The following CCDC171 variants were observed in gnomAD, a reference collection of about 807,000 sequenced individuals.
The protein encoded by CCDC171 is coiled-coil domain-containing protein 171.
A neutral mutation model predicts 168.2 loss-of-function variants in CCDC171; 177 were observed. The observed-to-expected ratio is 1.05, with a 90% CI of 0.93 to 1.19. The LOEUF is 1.19. CCDC171 is among the 50% of genes most tolerant of loss of function. The pLI is 0.00. For missense variants in CCDC171, 1,991 were observed against 1,539.0 expected (o/e 1.29, Z -4.91); for synonymous variants, 687 against 540.8 (o/e 1.27, Z -3.75).
chr9:15,618,582 G>C (rs959899374), intron 6 of CCDC171, among the ~76,000 whole-genome samples: 2 of 152,176 alleles, frequency 1.3e-5, no homozygotes, highest in Non-Finnish European at 2.9e-5. Flanking sequence ...AAAAACTCCT[G>C]CAGCTTGGTG....
At chr9:15,569,312 C>T (rs557157906) in intron 2 of CCDC171, among the ~76,000 whole-genome samples, 5 of 152,330 alleles carry the variant, frequency 3.3e-5, no homozygotes, top group Non-Finnish European at 5.9e-5. Context: ...GCCTCTCCCT[C>T]ACTAGCCCTG....
intron 7 of CCDC171, among the ~76,000 whole-genome samples, chr9:15,654,465 G>A (rs1453866480): frequency 6.6e-6 from 1 of 152,122 alleles, no homozygotes; most frequent in African/African-American, 2.4e-5. Context: ...AGTCATTATG[G>A]GAATGATTTG....
intron 25 of CCDC171, among the ~76,000 whole-genome samples, chr9:15,929,612 C>T (rs556633055): frequency 1.3e-5 from 2 of 151,912 alleles, no homozygotes; most frequent in South Asian, 4.1e-4. Flanking sequence ...CCACAGATCT[C>T]TTAGACCCAT....
chr9:16,010,705 A>T (rs754623129), intron 3 of CCDC171, among the ~76,000 whole-genome samples: 3 of 151,784 alleles, frequency 2.0e-5, no homozygotes, highest in Non-Finnish European at 4.4e-5. Context: ...CAACTGCAAG[A>T]TAATAGTGTA....
intron 2 of CCDC171, among the ~76,000 whole-genome samples, chr9:15,567,957 T>C (rs1300460337): frequency 1.3e-5 from 2 of 148,702 alleles, no homozygotes; most frequent in African/African-American, 5.0e-5. Flanking sequence ...TGGCCTTGCA[T>C]TTCTTTTGTT....
chr9:15,570,218 G>T (rs868546915), intron 2 of CCDC171, among the ~76,000 whole-genome samples: 2 of 151,956 alleles, frequency 1.3e-5, no homozygotes, highest in Non-Finnish European at 2.9e-5. Context: ...TGATCTGCCC[G>T]CCACAGCCTC....
intron 23 of CCDC171, among the ~76,000 whole-genome samples, chr9:15,858,344 G>T (rs1411946715): frequency 6.6e-6 from 1 of 151,940 alleles, no homozygotes; most frequent in African/African-American, 2.4e-5. Context: ...TTTGAAGTCA[G>T]AAAGTGTGAG....
intron 7 of CCDC171, 50 bp downstream of exon 7, chr9:15,623,463 A>ACGCGCGCGCACG: frequency 1.6e-6 from 1 of 633,912 alleles, no homozygotes; most frequent in Non-Finnish European, 2.6e-6. Flanking sequence ...ACTTTCACAT[A>ACGCGCGCGCACG]TGCGCGCGCG....
chr9:15,809,519 T>C (rs1031042080), intron 21 of CCDC171, among the ~76,000 whole-genome samples: 1 of 152,120 alleles, frequency 6.6e-6, no homozygotes, highest in Non-Finnish European at 1.5e-5. Context: ...TGGAGTTCTT[T>C]TCCTTCTGGT....
At chr9:15,961,861 C>A (rs922173102) in intron 25 of CCDC171, among the ~76,000 whole-genome samples, 27 of 152,066 alleles carry the variant, frequency 1.8e-4, no homozygotes, top group African/African-American at 6.0e-4. Flanking sequence ...AAAACCCCAA[C>A]AATTCCAATA....
intron 24 of CCDC171, among the ~76,000 whole-genome samples, chr9:15,894,616 T>C (rs1300959787): frequency 1.3e-5 from 2 of 152,048 alleles, no homozygotes; most frequent in Non-Finnish European, 2.9e-5. Flanking sequence ...CACTGAACTA[T>C]AGTGACACTG....
intron 8 of CCDC171, among the ~76,000 whole-genome samples, chr9:15,661,718 G>A (rs1001486215): frequency 6.6e-6 from 1 of 152,156 alleles, no homozygotes; most frequent in Admixed American, 6.5e-5. Flanking sequence ...TGAGAAAGCA[G>A]ACTTAAAAGA....
chr9:15,889,045 A>G (rs1589006445), intron 24 of CCDC171: 1 of 126,880 alleles, frequency 7.9e-6, no homozygotes, highest in South Asian at 2.5e-4. Flanking sequence ...TGCAACCTCC[A>G]CCTCCCAGGT....
intron 4 of CCDC171, among the ~76,000 whole-genome samples, chr9:15,579,538 A>G (rs1253349255): frequency 2.0e-5 from 3 of 152,236 alleles, no homozygotes; most frequent in Admixed American, 1.3e-4. Flanking sequence ...TTGGACTTAA[A>G]TAAAGCCTTT....
chr9:15,939,260 AAT>A (rs1827452634), intron 25 of CCDC171, among the ~76,000 whole-genome samples: 1 of 151,692 alleles, frequency 6.6e-6, no homozygotes. Context: ...ATCACTTTTT[AAT>A]ATCTTAGTTC....
chr9:15,890,782 A>G lies in CCDC171; in HGVS notation c.3600+16119A>G, dbSNP rs547512126. On this transcript the variant is annotated intron_variant, in intron 24 of 25. Coordinates refer to ENST00000380701, the MANE Select transcript of CCDC171 (RefSeq NM_173550.4). ...CTGTTTTAAAAACTAAAATGGTAAC[A>G]ATATTTTTTTCAGAGTGATATAGTT... is the stretch of plus-strand genomic sequence containing the variant. Among the ~76,000 whole-genome samples, 31 of 152,298 alleles carry G rather than the reference A, an allele frequency of 2.0e-4. 1 individual carries two copies. The South Asian group carries it at 6.2e-3, about 31-fold the overall frequency.
chr9:15,677,340 C>G (rs940152766), intron 9 of CCDC171, among the ~76,000 whole-genome samples: 5 of 152,060 alleles, frequency 3.3e-5, no homozygotes, highest in Admixed American at 6.6e-5. Flanking sequence ...TATTCCTAAT[C>G]TAAAGGAGAA....
At chr9:15,610,234 C>T (rs1445277407) in intron 6 of CCDC171, among the ~76,000 whole-genome samples, 1 of 150,176 alleles carries the variant, frequency 6.7e-6, no homozygotes, top group East Asian at 2.0e-4. Flanking sequence ...TTTCTTTCTT[C>T]TTGTTTTTGA....
Position 15,721,768 on chromosome 9 carries a change from G to T in CCDC171, c.1319-1G>T. The T allele has an allele frequency of 6.6e-7, 1 of 1,526,100 alleles. No homozygotes were observed. Among genetic ancestry groups the T allele is most frequent in the Non-Finnish European group, 8.8e-7 (1 of 1,133,970 alleles). The allele number at this position is 1,526,100 out of a possible 1,614,324, so 94.5% of individuals were successfully genotyped here. A position where few individuals can be genotyped will look rare whatever the true frequency, so the allele number is the denominator to read the frequency against. On this transcript the variant is annotated splice_acceptor_variant, in intron 11 of 25. Coordinates refer to ENST00000380701, the MANE Select transcript of CCDC171 (RefSeq NM_173550.4). LOFTEE classifies it high-confidence loss of function. ...TATTTTCATCCTATATTTTTCTCTA[G>T]GCATCCACAAGGACAAAGATAAACC...
Sources: gnomAD v4.1 joint callset for allele counts (sites outside exome capture counted in the v4.1 genomes callset) on GRCh38, gnomAD v4.1.1 for gene constraint, MANE v1.5 for transcripts, NCBI Gene and HGNC (gene_info 2026-07-23, HGNC 2026-07-21) for gene names.